The following IL1RAP variants were observed in gnomAD, a reference collection of about 807,000 sequenced individuals.
IL1RAP encodes the protein interleukin-1 receptor accessory protein.
In IL1RAP, 35 loss-of-function variants were observed where a neutral mutation model predicts 60.7. That is an observed-to-expected ratio of 0.58 (90% CI 0.44 to 0.76). The LOEUF (loss-of-function observed/expected upper bound fraction) is 0.76. Ranked by LOEUF, IL1RAP falls within the 30% of genes least tolerant of loss-of-function variation. The pLI, the probability that IL1RAP is intolerant of heterozygous loss-of-function variation, is 0.00. For missense variants in IL1RAP, 572 were observed against 693.9 expected, an observed-to-expected ratio of 0.82 and a Z score of 1.97; for synonymous variants, 268 against 250.9, an observed-to-expected ratio of 1.07 and a Z score of -0.64.
At chr3:190,572,063 A>G (rs1726975653) in intron 3 of IL1RAP, among the ~76,000 whole-genome samples, 1 of 151,964 alleles carries the variant, frequency 6.6e-6, no homozygotes, top group Non-Finnish European at 1.5e-5. Flanking sequence ...AGGGGGAGAA[A>G]TCTTTAATTG....
At chr3:190,570,064 T>A (rs1303419443) in intron 3 of IL1RAP, among the ~76,000 whole-genome samples, 2 of 152,228 alleles carry the variant, frequency 1.3e-5, no homozygotes, top group Non-Finnish European at 2.9e-5. Flanking sequence ...ACTGATTAAC[T>A]TTTTAGAAAA....
At chr3:190,550,395 G>GA (rs1342904319) in intron 1 of IL1RAP, 1 of 152,222 alleles carries the variant, frequency 6.6e-6, no homozygotes, top group Non-Finnish European at 1.5e-5. Flanking sequence ...GTCTCATGGG[G>GA]AATTGCATGG....
intron 1 of IL1RAP, chr3:190,518,822 A>G (rs925374468): frequency 5.9e-5 from 9 of 152,260 alleles, no homozygotes; most frequent in South Asian, 2.1e-4. Context: ...ACATGATTCA[A>G]TCATCTCCCA....
Position 190,564,078 on chromosome 3 carries a change from G to A in IL1RAP, c.-1-211G>A, listed in dbSNP as rs186680228. 7.0e-5 allele frequency: 38 copies of A among 545,776 alleles called. No individual in the cohort carries two copies. In the East Asian group the frequency reaches 1.1e-3, roughly 15 times the overall value. 33.8% of individuals were successfully genotyped at this position (545,776 alleles called of 1,614,324 possible). ...GTGTATTAAACTTCTTTATCTGCAT[G>A]TAATATGGGAATTGAAAAACAAACA... On this transcript the variant is annotated intron_variant, in intron 2 of 11. Coordinates refer to ENST00000447382, the MANE Select transcript of IL1RAP (RefSeq NM_002182.4).
At chr3:190,638,562 A>G (rs1455466036) in intron 9 of IL1RAP, among the ~76,000 whole-genome samples, 1 of 152,108 alleles carries the variant, frequency 6.6e-6, no homozygotes, top group Non-Finnish European at 1.5e-5. Context: ...GTTGCATGAC[A>G]ATTTGTTTTT....
At chr3:190,645,933 A>G (rs980046290) in intron 11 of IL1RAP, 91 bp downstream of exon 11, 10 of 1,081,232 alleles carry the variant, frequency 9.2e-6, no homozygotes, top group East Asian at 2.5e-5. Context: ...ATGGCACAGC[A>G]TCTTTGGATA....
intron 3 of IL1RAP, among the ~76,000 whole-genome samples, chr3:190,591,399 G>A (rs535330268): frequency 2.0e-4 from 30 of 152,212 alleles, no homozygotes; most frequent in African/African-American, 6.7e-4. Flanking sequence ...GGACATTAGA[G>A]CCCTGGTTTG....
downstream of IL1RAP, among the ~76,000 whole-genome samples, chr3:190,654,797 G>C (rs1734556764): frequency 6.6e-6 from 1 of 152,164 alleles, no homozygotes; most frequent in Admixed American, 6.5e-5. Flanking sequence ...GTTATAAATG[G>C]CTAGGATTTA....
intron 5 of IL1RAP, 141 bp from the exon 6 acceptor site, chr3:190,620,134 C>CT (rs1731648638): frequency 2.0e-6 from 1 of 497,014 alleles, no homozygotes. Flanking sequence ...TTGTCAAATA[C>CT]TTGACCAAAA....
Position 190,620,452 on chromosome 3 carries a change from T to G in IL1RAP, c.703+12T>G. 1 of 1,603,794 alleles carries G rather than the reference T, an allele frequency of 6.2e-7. No individual in the cohort carries two copies. Among genetic ancestry groups the G allele is most frequent in the Non-Finnish European group, 8.5e-7 (1 of 1,174,260 alleles). On this transcript the variant is annotated intron_variant, in intron 6 of 11. Coordinates refer to ENST00000447382, the MANE Select transcript of IL1RAP (RefSeq NM_002182.4). ...TGTAAAGGTAGTAGGTAAGCATGAT[T>G]AGTGTCCAGTACACACAACAAGCAT...
At chr3:190,558,149 T>G (rs1288674016) in intron 2 of IL1RAP, among the ~76,000 whole-genome samples, 1 of 152,208 alleles carries the variant, frequency 6.6e-6, no homozygotes, top group Non-Finnish European at 1.5e-5. Context: ...ATTATTCTAT[T>G]TTTTTGGATG....
intron 2 of IL1RAP, among the ~76,000 whole-genome samples, chr3:190,556,828 T>C (rs971156334): frequency 2.6e-5 from 4 of 152,218 alleles, no homozygotes. Flanking sequence ...TTCACATCTA[T>C]TATCTCACTT....
intron 1 of IL1RAP, among the ~76,000 whole-genome samples, chr3:190,525,928 G>T (rs3773994): frequency 0.11 from 16,767 of 152,106 alleles, 1,608 homozygotes; most frequent in African/African-American, 0.26. Context: ...TATTTCCTTA[G>T]GAAACTTTAG....
At chr3:190,542,206 C>T (rs776914578) in intron 1 of IL1RAP, among the ~76,000 whole-genome samples, 10 of 152,026 alleles carry the variant, frequency 6.6e-5, no homozygotes, top group East Asian at 1.9e-4. Flanking sequence ...ACACAGCAAA[C>T]GAAATATTGA....
intron 9 of IL1RAP, among the ~76,000 whole-genome samples, chr3:190,639,381 C>T (rs953478421): frequency 6.6e-6 from 1 of 152,072 alleles, no homozygotes; most frequent in Admixed American, 6.5e-5. Context: ...TGTATGCTGG[C>T]CATTTTCTTT....
exon 12 of IL1RAP, chr3:190,657,785 G>A (rs1180893794): frequency 6.6e-6 from 1 of 152,140 alleles, no homozygotes; most frequent in Non-Finnish European, 1.5e-5. Flanking sequence ...GGCCGGGTGT[G>A]GTGGCTCATG....
At position 190,626,935 on chromosome 3, in the gene IL1RAP, G is replaced by A. The variant is rs193129515; in HGVS notation, c.776-388G>A. On this transcript the variant is annotated intron_variant, in intron 7 of 11. Transcript: ENST00000447382. ...TCCACCTGCCTCGGCCTCCCAAAGT[G>A]CTGGGATTACAGGTGTGAGCCACTA... 9.9e-5 allele frequency among the ~76,000 whole-genome samples: 15 copies of A among 152,254 alleles called. No homozygotes were observed. In the East Asian group the frequency reaches 2.7e-3, roughly 27 times the overall value.
At chr3:190,607,336 T>C (rs924794247) in intron 4 of IL1RAP, among the ~76,000 whole-genome samples, 1 of 152,216 alleles carries the variant, frequency 6.6e-6, no homozygotes, top group Non-Finnish European at 1.5e-5. Context: ...TGTTTTCCTA[T>C]ATTTAGACAC....
chr3:190,604,461 G>A (rs1730122564), intron 4 of IL1RAP, 48 bp downstream of exon 4: 1 of 1,579,124 alleles, frequency 6.3e-7, no homozygotes, highest in Admixed American at 1.8e-5. Context: ...TTAGTTTCTG[G>A]GCTCTTTTCC....
Sources: gnomAD v4.1 joint callset for allele counts (sites outside exome capture counted in the v4.1 genomes callset) on GRCh38, gnomAD v4.1.1 for gene constraint, MANE v1.5 for transcripts, NCBI Gene and HGNC (gene_info 2026-07-23, HGNC 2026-07-21) for gene names.